Variants in SLC71A1 observed in about 807,000 individuals in gnomAD.
SLC71A1 encodes the protein hippocampus abundant gene transcript 1.
At chr1:100,074,041 TAA>T in the SLC71A1 span, among the ~76,000 whole-genome samples, 6 of 152,150 alleles carry the variant, frequency 3.9e-5, no homozygotes, top group Admixed American at 3.3e-4. Context: ...TAAATGTAAA[TAA>T]GAGAAAAGTT....
chr1:100,070,975 C>G, the SLC71A1 span, among the ~76,000 whole-genome samples: 1 of 152,080 alleles, frequency 6.6e-6, no homozygotes, highest in Admixed American at 6.5e-5. Flanking sequence ...TATGCCTCCC[C>G]AAGCCTCTGC....
the SLC71A1 span, chr1:100,081,902 A>G: frequency 1.3e-5 from 11 of 835,286 alleles, no homozygotes; most frequent in African/African-American, 1.7e-4. Flanking sequence ...AGAGAAGAGC[A>G]ATTAGCTTGT....
At chr1:100,054,424 G>A in the SLC71A1 span, among the ~76,000 whole-genome samples, 6 of 151,966 alleles carry the variant, frequency 3.9e-5, no homozygotes, top group Admixed American at 1.3e-4. Flanking sequence ...TCTTGGTCAG[G>A]CTGGTCTTGA....
the SLC71A1 span, among the ~76,000 whole-genome samples, chr1:100,074,666 C>G: frequency 6.6e-6 from 1 of 152,038 alleles, no homozygotes; most frequent in Non-Finnish European, 1.5e-5. Context: ...ATCACAAGGT[C>G]AGAAGTTCGA....
At chr1:100,065,239 G>A in the SLC71A1 span, among the ~76,000 whole-genome samples, 1 of 152,142 alleles carries the variant, frequency 6.6e-6, no homozygotes, top group African/African-American at 2.4e-5. Flanking sequence ...TTGATTGATA[G>A]CTAGATGTTT....
the SLC71A1 span, chr1:100,059,765 T>C: frequency 2.3e-6 from 2 of 851,502 alleles, no homozygotes; most frequent in Non-Finnish European, 3.5e-6. Flanking sequence ...GTTTGTGATA[T>C]ATTTACTTTA....
the SLC71A1 span, chr1:100,082,746 CTG>C: frequency 6.6e-6 from 1 of 152,306 alleles, no homozygotes; most frequent in African/African-American, 2.4e-5. Context: ...CTTAAGAAAA[CTG>C]TACTAAATCT....
chr1:100,073,872 G>A, the SLC71A1 span, among the ~76,000 whole-genome samples: 1 of 152,098 alleles, frequency 6.6e-6, no homozygotes, highest in African/African-American at 2.4e-5. Context: ...CAAAATGAGA[G>A]TTAAATTAAG....
the SLC71A1 span, among the ~76,000 whole-genome samples, chr1:100,042,332 C>T: frequency 6.6e-6 from 1 of 152,264 alleles, no homozygotes; most frequent in African/African-American, 2.4e-5. Context: ...ATTGATATAT[C>T]ATTTGAAAAT....
the SLC71A1 span, chr1:100,038,230 A>C: frequency 6.4e-7 from 1 of 1,554,490 alleles, no homozygotes; most frequent in Non-Finnish European, 8.7e-7. Context: ...CGAGGATGGT[A>C]AAATGACCCA....
At chr1:100,043,366 A>G in the SLC71A1 span, 319 of 181,552 alleles carry the variant, frequency 1.8e-3, 2 homozygotes, top group African/African-American at 7.0e-3. Context: ...GAAGAGATGA[A>G]TATGGGTATA....
chr1:100,048,189 A>ATT, the SLC71A1 span, among the ~76,000 whole-genome samples: 8,026 of 139,840 alleles, frequency 0.057, 246 homozygotes, highest in Middle Eastern at 0.11. Flanking sequence ...TTTGTGGCCA[A>ATT]TTTTTTTTTT....
the SLC71A1 span, among the ~76,000 whole-genome samples, chr1:100,063,272 AAAC>A: frequency 2.2e-5 from 3 of 134,026 alleles, no homozygotes; most frequent in Non-Finnish European, 4.7e-5. Context: ...GCAAAAAACA[AAAC>A]AAAACAAAAC....
At chr1:100,061,229 A>G in the SLC71A1 span, among the ~76,000 whole-genome samples, 3 of 152,226 alleles carry the variant, frequency 2.0e-5, no homozygotes, top group South Asian at 2.1e-4. Context: ...GGAATTATTT[A>G]TAGCAAAATA....
the SLC71A1 span, among the ~76,000 whole-genome samples, chr1:100,067,290 C>CTGGA: frequency 1.3e-5 from 2 of 152,164 alleles, no homozygotes; most frequent in African/African-American, 4.8e-5. Context: ...GTCACCCTGG[C>CTGGA]TGGAGTGCAG....
chr1:100,068,178 C>A, the SLC71A1 span: 1 of 1,613,946 alleles, frequency 6.2e-7, no homozygotes, highest in South Asian at 1.1e-5. Context: ...TTCCTGGGAA[C>A]AAGCTGACCC....
chr1:100,054,761 C>T, the SLC71A1 span, among the ~76,000 whole-genome samples: 2 of 152,168 alleles, frequency 1.3e-5, no homozygotes, highest in African/African-American at 2.4e-5. Context: ...AAAAGTGTTA[C>T]ATTTTCTCTG....
At chr1:100,065,646 TTC>T in the SLC71A1 span, among the ~76,000 whole-genome samples, 1 of 149,890 alleles carries the variant, frequency 6.7e-6, no homozygotes, top group Non-Finnish European at 1.5e-5. Flanking sequence ...CCCTTCTTTT[TTC>T]TTTTTCTTTC....
the SLC71A1 span, chr1:100,082,279 A>G: frequency 2.6e-6 from 3 of 1,168,284 alleles, no homozygotes; most frequent in Admixed American, 3.9e-5. Flanking sequence ...CTGGATGTAC[A>G]TTCCATTTCC....
Sources: allele counts gnomAD v4.1 joint callset (sites outside exome capture counted in the v4.1 genomes callset), GRCh38; gene constraint gnomAD v4.1.1; transcripts MANE v1.5; gene names NCBI Gene and HGNC (gene_info 2026-07-23, HGNC 2026-07-21).